PCDH15: variants seen among roughly 807,000 people sequenced by gnomAD.
The protein encoded by PCDH15 is protocadherin-15.
PCDH15 carries 129 observed loss-of-function variants against 178.5 expected under a neutral mutation model. The ratio of observed to expected loss-of-function variants is 0.72; its 90% confidence interval spans 0.63 to 0.84. The LOEUF (loss-of-function observed/expected upper bound fraction) is 0.84. Among genes scored for constraint, PCDH15 ranks in the 40% least tolerant of loss-of-function variants. The pLI is 0.00. For synonymous variants in PCDH15, 800 were observed against 732.0 expected (o/e 1.09, Z -1.50); for missense variants, 2,230 against 2,099.9 (o/e 1.06, Z -1.21).
At chr10:55,379,952 C>A (rs566153575) in intron 2 of PCDH15, among the ~76,000 whole-genome samples, 1 of 151,826 alleles carries the variant, frequency 6.6e-6, no homozygotes, top group African/African-American at 2.4e-5. Context: ...TAATACTAAC[C>A]AAAGAATAAA....
intron 13 of PCDH15, among the ~76,000 whole-genome samples, chr10:54,163,767 GGCA>G (rs1473720218): frequency 1.3e-5 from 2 of 151,908 alleles, no homozygotes; most frequent in Non-Finnish European, 2.9e-5. Context: ...TCAATAACTT[GGCA>G]TTACTCAGGA....
intron 2 of PCDH15, among the ~76,000 whole-genome samples, chr10:55,566,407 G>A (rs1227514961): frequency 6.6e-6 from 1 of 151,294 alleles, no homozygotes; most frequent in African/African-American, 2.4e-5. Flanking sequence ...TAAGCAACAA[G>A]GCAAGGAAGT....
intron 4 of PCDH15, among the ~76,000 whole-genome samples, chr10:54,375,898 A>AT (rs201891361): frequency 0.046 from 6,440 of 138,988 alleles, 495 homozygotes; most frequent in African/African-American, 0.14. Flanking sequence ...TATATATATA[A>AT]TTTTTTTTCT....
rs193208383 is a variant in PCDH15, at chr10:55,328,436, T to C, written c.-155-161785A>G. ...TGCCACATTTTACTATACTGAATAC[T>C]GTAGGCAATTGAAACACAATGGTAT... is the stretch of plus-strand genomic sequence containing the variant. On this transcript the variant is annotated intron_variant, in intron 2 of 5. Coordinates refer to the PCDH15 transcript ENST00000613346. Among the ~76,000 whole-genome samples the C allele has an allele frequency of 4.7e-4, 71 of 151,982 alleles. 1 individual carries two copies. The South Asian group carries it at 7.7e-3, about 16-fold the overall frequency.
At chr10:54,842,254 AG>A (rs1276514788) in intron 3 of PCDH15, among the ~76,000 whole-genome samples, 1 of 151,636 alleles carries the variant, frequency 6.6e-6, no homozygotes, top group African/African-American at 2.4e-5. Context: ...TAATTGGTAG[AG>A]TCTTCGTAAT....
chr10:55,356,906 C>A (rs1845094220), intron 2 of PCDH15, among the ~76,000 whole-genome samples: 1 of 151,846 alleles, frequency 6.6e-6, no homozygotes, highest in South Asian at 2.1e-4. Flanking sequence ...CTATGATTCC[C>A]TTTGTATGTA....
At chr10:54,481,730 A>G (rs531457038) in intron 3 of PCDH15, among the ~76,000 whole-genome samples, 23 of 151,958 alleles carry the variant, frequency 1.5e-4, no homozygotes, top group Admixed American at 1.3e-3. Flanking sequence ...TGATATTTCT[A>G]CAATGAACAA....
In PCDH15 at chr10:54,622,730, TA is replaced by T. The variant is rs575531940; in HGVS notation, c.91+41441del. Among the ~76,000 whole-genome samples the T allele has an allele frequency of 3.4e-3, 124 of 36,158 alleles. 2 individuals carry two copies. The highest frequency in any genetic ancestry group is 0.012 in the African/African-American group (111 of 9,606). The allele number at this position is 36,158 out of a possible 152,430, so 23.7% of individuals were successfully genotyped here. ...TATATTATATATAATATATATTATA[TA>T]ATTATATATATATTATATATAATTA... On this transcript the variant is annotated intron_variant, in intron 2 of 37. Coordinates refer to ENST00000644397, the MANE Select transcript of PCDH15 (RefSeq NM_001384140.1).
At chr10:55,274,663 T>C (rs570347911) in intron 1 of PCDH15, among the ~76,000 whole-genome samples, 1 of 152,214 alleles carries the variant, frequency 6.6e-6, no homozygotes, top group South Asian at 2.1e-4. Flanking sequence ...TTAAAAGCAG[T>C]GGTCCCCAAC....
chr10:54,597,902 C>T (rs1009140094), intron 2 of PCDH15, among the ~76,000 whole-genome samples: 9 of 152,068 alleles, frequency 5.9e-5, no homozygotes, highest in African/African-American at 2.2e-4. Context: ...GGATAAATTC[C>T]TACACACATA....
At chr10:55,422,771 G>C (rs1838654508) in intron 2 of PCDH15, among the ~76,000 whole-genome samples, 1 of 151,822 alleles carries the variant, frequency 6.6e-6, no homozygotes, top group African/African-American at 2.4e-5. Context: ...GAGGAAGACA[G>C]AGAATTGAAT....
intron 10 of PCDH15, among the ~76,000 whole-genome samples, chr10:54,212,291 C>T (rs879308422): frequency 5.9e-5 from 9 of 151,952 alleles, no homozygotes; most frequent in Non-Finnish European, 1.2e-4. Flanking sequence ...TCATGCATGG[C>T]CATTTAATAC....
chr10:54,916,075 C>T (rs995019760), intron 2 of PCDH15, among the ~76,000 whole-genome samples: 2 of 151,828 alleles, frequency 1.3e-5, no homozygotes, highest in African/African-American at 4.8e-5. Flanking sequence ...CCTCAGCCTC[C>T]CAAAGTGCTG....
chr10:53,924,462 C>T (rs1035945409), intron 25 of PCDH15, among the ~76,000 whole-genome samples: 6 of 152,154 alleles, frequency 3.9e-5, no homozygotes, highest in African/African-American at 1.4e-4. Context: ...TGGAGTGTCC[C>T]CCCGCCGTGG....
chr10:53,994,495 T>C (rs2091724412), intron 21 of PCDH15: 1 of 152,116 alleles, frequency 6.6e-6, no homozygotes, highest in African/African-American at 2.4e-5. Context: ...AAAACACATA[T>C]GTTGAATAAA....
rs1015244361 is a variant in PCDH15 at position 53,810,438 on chromosome 10, T to C, written c.4671+118A>G. On this transcript the variant is annotated intron_variant, in intron 37 of 37. Coordinates refer to ENST00000644397, the MANE Select transcript of PCDH15 (RefSeq NM_001384140.1). ...AGCACTGTGAAATTTCTATGGGAAA[T>C]ACGTACTAAGTGAAAGGAATTTCTA... The C allele has an allele frequency of 8.4e-6, 7 of 837,876 alleles. No homozygotes were observed. The African/African-American group carries it at 8.4e-5, about 10-fold the overall frequency. The allele number at this position is 837,876 out of a possible 1,614,324, so 51.9% of individuals were successfully genotyped here.
chr10:54,098,158 A>C (rs2094735260), intron 15 of PCDH15, among the ~76,000 whole-genome samples: 2 of 150,190 alleles, frequency 1.3e-5, no homozygotes, highest in African/African-American at 2.4e-5. Flanking sequence ...TGTCTCTATT[A>C]ATTGCTTCCA....
intron 7 of PCDH15, among the ~76,000 whole-genome samples, chr10:54,327,353 T>C (rs4269840): frequency 0.7 from 105,697 of 150,658 alleles, 37,806 homozygotes; most frequent in Middle Eastern, 0.81. Context: ...TCCCCATATC[T>C]ACAGTTTTCA....
chr10:55,268,287 A>C (rs1842353219), intron 1 of PCDH15, among the ~76,000 whole-genome samples: 1 of 152,186 alleles, frequency 6.6e-6, no homozygotes, highest in Non-Finnish European at 1.5e-5. Flanking sequence ...ATTCAAACAT[A>C]GTAATATCTG....
Sources: allele counts gnomAD v4.1 joint callset (sites outside exome capture counted in the v4.1 genomes callset), GRCh38; gene constraint gnomAD v4.1.1; transcripts MANE v1.5; gene names NCBI Gene and HGNC (gene_info 2026-07-23, HGNC 2026-07-21).